Variants in FGF12 observed in about 807,000 individuals in gnomAD.
FGF12 encodes the protein fibroblast growth factor 12B.
FGF12 carries 14 observed loss-of-function variants against 23.6 expected under a neutral mutation model. That is an observed-to-expected ratio of 0.59 (90% confidence interval 0.39 to 0.93). The LOEUF (loss-of-function observed/expected upper bound fraction) is 0.93. Ranked by LOEUF, FGF12 falls within the 40% of genes least tolerant of loss-of-function variation. The pLI is 0.00. For synonymous variants in FGF12, 62 were observed against 77.3 expected (o/e 0.80, Z 1.04); for missense variants, 175 against 217.8 (o/e 0.80, Z 1.24).
chr3:192,581,398 C>T (rs2059424391), intron 2 of FGF12, among the ~76,000 whole-genome samples: 1 of 149,752 alleles, frequency 6.7e-6, no homozygotes, highest in Non-Finnish European at 1.5e-5. Context: ...TGAGACCTCA[C>T]CTCTCTAAAA....
chr3:192,533,694 C>G (rs774297992), intron 2 of FGF12, among the ~76,000 whole-genome samples: 4 of 152,196 alleles, frequency 2.6e-5, no homozygotes, highest in Non-Finnish European at 5.9e-5. Context: ...TCCTCTATGT[C>G]TCTTCTAGTT....
rs562069745 is a variant in FGF12, at chr3:192,245,484, C to T, written c.229-74828G>A. 3.3e-5 allele frequency among the ~76,000 whole-genome samples: 5 copies of T among 152,204 alleles called. No homozygotes were observed. The East Asian group carries it at 9.7e-4, about 29-fold the overall frequency. ...ATTAGCTATTGGCATAATCATAACA[C>T]TTCCTCCTACATGTGAGCATCAGAA... On this transcript the variant is annotated intron_variant, in intron 4 of 5. Transcript: ENST00000445105.
In FGF12 at chr3:192,418,615, G is replaced by A. The variant is rs537723524; in HGVS notation, c.14-58077C>T. Among the ~76,000 whole-genome samples the A allele has an allele frequency of 1.4e-4, 22 of 152,218 alleles. No homozygotes were observed. The East Asian group carries it at 3.3e-3, about 23-fold the overall frequency. On this transcript the variant is annotated intron_variant, in intron 2 of 5. Transcript: ENST00000445105. ...TTGTAATCCCAGTGTTTGAGGAGGC[G>A]CCAGGTTGGAGGTGATTGGATCATG... is the stretch of plus-strand genomic sequence containing the variant.
intron 2 of FGF12, among the ~76,000 whole-genome samples, chr3:192,582,853 C>T (rs1451675280): frequency 6.6e-6 from 1 of 152,132 alleles, no homozygotes; most frequent in African/African-American, 2.4e-5. Context: ...AGGTACTCCC[C>T]AGGCCTACCC....
At chr3:192,686,260 G>T (rs192154420) in intron 2 of FGF12, among the ~76,000 whole-genome samples, 147 of 152,204 alleles carry the variant, frequency 9.7e-4, no homozygotes, top group Non-Finnish European at 2.4e-4. Flanking sequence ...TGAAAGGAGA[G>T]CCAACTCTTG....
chr3:192,601,980 G>A (rs1714133023), intron 2 of FGF12, among the ~76,000 whole-genome samples: 1 of 152,096 alleles, frequency 6.6e-6, no homozygotes, highest in Non-Finnish European at 1.5e-5. Context: ...CCATGAATAT[G>A]GAGGGCTGAC....
intron 2 of FGF12, among the ~76,000 whole-genome samples, chr3:192,503,292 T>C (rs541363656): frequency 6.6e-6 from 1 of 152,312 alleles, no homozygotes; most frequent in African/African-American, 2.4e-5. Flanking sequence ...TAATGTTAAA[T>C]TTTAATATGA....
At chr3:192,725,792 G>A (rs1719194294) in intron 2 of FGF12, among the ~76,000 whole-genome samples, 1 of 152,132 alleles carries the variant, frequency 6.6e-6, no homozygotes. Context: ...TACTTAGTCA[G>A]CTAGAATATT....
At chr3:192,299,597 A>G (rs1715227600) in intron 4 of FGF12, among the ~76,000 whole-genome samples, 1 of 152,230 alleles carries the variant, frequency 6.6e-6, no homozygotes, top group Non-Finnish European at 1.5e-5. Flanking sequence ...AACTCCTCAA[A>G]TACACATTTA....
rs116583193 is a variant in FGF12, at chr3:192,555,959, A to G, written c.13+171222T>C. On this transcript the variant is annotated intron_variant, in intron 2 of 5. Coordinates refer to ENST00000445105, the MANE Select transcript of FGF12 (RefSeq NM_004113.6). ...CTAAAAAGAGATTGTTACAACTATA[A>G]AATGTCTAATGTAAGCCCTTTGGTA... Among the ~76,000 whole-genome samples, 628 of 152,290 alleles carry G rather than the reference A, an allele frequency of 4.1e-3. 2 individuals are homozygous for G. Among genetic ancestry groups the G allele is most frequent in the Non-Finnish European group, 6.1e-3 (413 of 68,022 alleles).
At chr3:192,223,463 A>G (rs778235827) in intron 4 of FGF12, among the ~76,000 whole-genome samples, 1 of 152,194 alleles carries the variant, frequency 6.6e-6, no homozygotes, top group Non-Finnish European at 1.5e-5. Context: ...ATTATCAGCT[A>G]TAATCCAGAT....
At chr3:192,522,954 G>C (rs1724859010) in intron 2 of FGF12, among the ~76,000 whole-genome samples, 1 of 152,100 alleles carries the variant, frequency 6.6e-6, no homozygotes, top group South Asian at 2.1e-4. Flanking sequence ...AGAAAGATTA[G>C]GTAGCAGAAC....
chr3:192,230,320 T>C (rs569063836), intron 4 of FGF12, among the ~76,000 whole-genome samples: 1 of 152,306 alleles, frequency 6.6e-6, no homozygotes, highest in South Asian at 2.1e-4. Context: ...TACTGTTTCA[T>C]ATTCTAATTA....
At position 192,568,973 on chromosome 3, in the gene FGF12, G is replaced by A. The variant is rs79871387; in HGVS notation, c.13+158208C>T. 6.3e-3 allele frequency among the ~76,000 whole-genome samples: 952 copies of A among 152,248 alleles called. 6 individuals are homozygous for A. Among genetic ancestry groups the A allele is most frequent in the African/African-American group, 0.022 (897 of 41,554 alleles). On this transcript the variant is annotated intron_variant, in intron 2 of 5. Coordinates refer to ENST00000445105, the MANE Select transcript of FGF12 (RefSeq NM_004113.6). ...ACCAACTTATGAAGGGCACACTTAC[G>A]TTGGTTCTCCAAAGTTGAATAAATG...
At chr3:192,203,720 T>C (rs1217978730) in intron 4 of FGF12, among the ~76,000 whole-genome samples, 1 of 151,968 alleles carries the variant, frequency 6.6e-6, no homozygotes, top group Admixed American at 6.6e-5. Context: ...AGATTATAGA[T>C]TACAGACTTC....
chr3:192,700,170 C>G (rs974724541), intron 2 of FGF12, among the ~76,000 whole-genome samples: 4 of 152,184 alleles, frequency 2.6e-5, no homozygotes, highest in African/African-American at 9.6e-5. Flanking sequence ...TTAAAGTGCT[C>G]ATTTTATATA....
Position 192,394,583 on chromosome 3 carries a change from C to A in FGF12, c.14-34045G>T, listed in dbSNP as rs111962698. Among the ~76,000 whole-genome samples the A allele has an allele frequency of 9.5e-3, 1,448 of 152,188 alleles. 24 individuals are homozygous for A. The highest frequency in any genetic ancestry group is 0.033 in the African/African-American group (1,381 of 41,522). On this transcript the variant is annotated intron_variant, in intron 2 of 5. Coordinates refer to ENST00000445105, the MANE Select transcript of FGF12 (RefSeq NM_004113.6). ...GAATTTCGGAAATCATTGATAGTAA[C>A]CCTTTCATGCTGAAAATAAGGAAAC...
rs1038440654 is a variant in FGF12, at chr3:192,360,822, T to C, written c.14-284A>G. 1 of 400,228 alleles carries C rather than the reference T, an allele frequency of 2.5e-6. No individual in the cohort carries two copies. The highest frequency in any genetic ancestry group is 2.0e-5 in the African/African-American group (1 of 48,982). 24.8% of individuals were successfully genotyped at this position (400,228 alleles called of 1,614,324 possible). A position where few individuals can be genotyped will look rare whatever the true frequency, so the allele number is the denominator to read the frequency against. On this transcript the variant is annotated intron_variant, in intron 2 of 5. Coordinates refer to ENST00000445105, the MANE Select transcript of FGF12 (RefSeq NM_004113.6). This position sits in a 1 kb window ranked among gnomAD's most constrained non-coding sequence, Gnocchi z 4.3. ...TAAAAAGTGAGTTATTTTCCTCCTTTGTGCATCTGGTGTCTGACTGCAAGA... is the reference window on the plus strand; with the variant it reads ...TAAAAAGTGAGTTATTTTCCTCCTTCGTGCATCTGGTGTCTGACTGCAAGA...
chr3:192,187,018 T>C (rs1716509062), intron 4 of FGF12, among the ~76,000 whole-genome samples: 1 of 152,192 alleles, frequency 6.6e-6, no homozygotes, highest in Non-Finnish European at 1.5e-5. Context: ...CATCATTTTA[T>C]AAAAGGAAGC....
Sources: allele counts gnomAD v4.1 joint callset (sites outside exome capture counted in the v4.1 genomes callset), GRCh38; gene constraint gnomAD v4.1.1; non-coding constraint Gnocchi (gnomAD v3.1); transcripts MANE v1.5; gene names NCBI Gene and HGNC (gene_info 2026-07-23, HGNC 2026-07-21).